The following PFKFB4 variants were observed in gnomAD, a reference collection of about 807,000 sequenced individuals.
PFKFB4 encodes the protein 6-phosphofructo-2-kinase/fructose-2,6-bisphosphatase 4.
PFKFB4 carries 42 observed loss-of-function variants against 62.8 expected under a neutral mutation model. The ratio of observed to expected loss-of-function variants is 0.67; its 90% CI spans 0.52 to 0.86. The LOEUF (loss-of-function observed/expected upper bound fraction) is 0.86. PFKFB4 is among the 40% of genes least tolerant of loss of function. The pLI is 0.00. For synonymous variants in PFKFB4, 204 were observed against 240.7 expected, an observed-to-expected ratio of 0.85 and a Z score of 1.41; for missense variants, 475 against 627.2, an observed-to-expected ratio of 0.76 and a Z score of 2.59.
intron 3 of PFKFB4, among the ~76,000 whole-genome samples, chr3:48,545,877 A>T (rs1002024486): frequency 2.0e-5 from 3 of 152,180 alleles, no homozygotes; most frequent in Non-Finnish European, 4.4e-5. Flanking sequence ...TGGCATTGGT[A>T]GGGACATTTC....
intron 3 of PFKFB4, among the ~76,000 whole-genome samples, chr3:48,544,559 G>T (rs1452115881): frequency 6.8e-6 from 1 of 146,940 alleles, no homozygotes; most frequent in East Asian, 2.0e-4. Context: ...CAATCTTCCT[G>T]CCTCAGCCTC....
At chr3:48,538,727 C>A in intron 6 of PFKFB4, 108 bp from the exon 7 acceptor site, 2 of 1,431,646 alleles carry the variant, frequency 1.4e-6, no homozygotes, top group South Asian at 2.5e-5. Context: ...GCACCGGAGA[C>A]CAGTGCGGGA....
intron 12 of PFKFB4, among the ~76,000 whole-genome samples, chr3:48,522,676 T>C (rs2042132774): frequency 6.6e-6 from 1 of 151,828 alleles, no homozygotes; most frequent in East Asian, 1.9e-4. Context: ...GAAAAATCAG[T>C]AGAAAAGCCC....
chr3:48,519,945 A>G (rs1188416409), intron 13 of PFKFB4, 139 bp from the exon 14 acceptor site: 9 of 647,834 alleles, frequency 1.4e-5, no homozygotes, highest in Middle Eastern at 6.3e-4. Context: ...CTAGACCACA[A>G]GCTTCCCTAA....
chr3:48,544,189 T>A (rs1358910307), intron 3 of PFKFB4, among the ~76,000 whole-genome samples: 1 of 152,044 alleles, frequency 6.6e-6, no homozygotes, highest in Non-Finnish European at 1.5e-5. Flanking sequence ...TTTTTATATT[T>A]CAAAATAAGC....
chr3:48,536,752 T>A (rs926911026), intron 7 of PFKFB4: 3 of 420,172 alleles, frequency 7.1e-6, no homozygotes. Context: ...TACCACATCA[T>A]GACTTTCTCC....
chr3:48,529,046 TA>T (rs1351658146), intron 9 of PFKFB4, among the ~76,000 whole-genome samples: 1 of 152,060 alleles, frequency 6.6e-6, no homozygotes. Context: ...TTTATTTATT[TA>T]TTTTTTTAGA....
chr3:48,536,131 C>A (rs1277173000), intron 8 of PFKFB4, 125 bp downstream of exon 8: 1 of 772,568 alleles, frequency 1.3e-6, no homozygotes. Context: ...GAATGAAGGT[C>A]ATTCACCTCG....
rs1436300146 is a variant in PFKFB4, at chr3:48,535,551, C to G, written c.948G>C (p.Val316=). The G allele has an allele frequency of 1.2e-6, 2 of 1,614,146 alleles. No homozygotes were observed. The highest frequency in any genetic ancestry group is 3.3e-5 in the Admixed American group (2 of 60,016). The change falls in exon 9 of 14, where the codon GTG becomes GTC. Residue 316 remains valine (V), a synonymous_variant. Transcript: ENST00000232375. ...RTIQTAEALG[V]PYEQWKVLNE... The stretch of plus-strand genomic sequence containing the variant: ...TGAGGACCTTCCACTGTTCATAGGG[C>G]ACACCCAGTGCCTCAGCCGTCTGGA...
chr3:48,556,424 G>C lies in PFKFB4; in HGVS notation c.97+257C>G, dbSNP rs2043322764. ...CAGAGCCCTCCCCGAGGTGATGGTG[G>C]CCAGACCTAGCCACCGCCAAGCCGA... On this transcript the variant is annotated intron_variant, in intron 1 of 13. Coordinates refer to ENST00000232375, the MANE Select transcript of PFKFB4 (RefSeq NM_004567.4). The surrounding 1 kb of genome is among the most constrained non-coding windows in gnomAD (Gnocchi z 5.7). 6.6e-6 allele frequency among the ~76,000 whole-genome samples: 1 copy of C among 152,102 alleles called. No homozygotes were observed. The highest frequency in any genetic ancestry group is 6.5e-5 in the Admixed American group (1 of 15,272).
chr3:48,562,977 C>T, upstream of PFKFB4: 1 of 1,607,590 alleles, frequency 6.2e-7, no homozygotes, highest in Non-Finnish European at 8.5e-7. The surrounding 1 kb of genome is among the most constrained non-coding windows in gnomAD (Gnocchi z 4.3). Flanking sequence ...GTGGGAGCAG[C>T]TGAGGGGCTC....
At chr3:48,535,077 G>A (rs1372085637) in intron 9 of PFKFB4, among the ~76,000 whole-genome samples, 2 of 152,170 alleles carry the variant, frequency 1.3e-5, no homozygotes, top group East Asian at 3.8e-4. Flanking sequence ...CCAAAGTGCT[G>A]GGATTACAAG....
At chr3:48,546,648 C>G (rs937759318) in intron 3 of PFKFB4, among the ~76,000 whole-genome samples, 1 of 152,232 alleles carries the variant, frequency 6.6e-6, no homozygotes, top group Non-Finnish European at 1.5e-5. Context: ...GGTTGGGGAA[C>G]TTGATGGTAA....
chr3:48,524,600 T>C (rs745802369), intron 10 of PFKFB4, among the ~76,000 whole-genome samples: 3 of 152,342 alleles, frequency 2.0e-5, no homozygotes, highest in Non-Finnish European at 4.4e-5. Flanking sequence ...CCAGCTGCTT[T>C]GTTTCTCCTG....
chr3:48,551,076 C>T (rs1213407424), intron 1 of PFKFB4, among the ~76,000 whole-genome samples: 1 of 152,190 alleles, frequency 6.6e-6, no homozygotes, highest in East Asian at 1.9e-4. Flanking sequence ...TGCCACAGGT[C>T]AGTGTGCCAG....
intron 7 of PFKFB4, 69 bp from the exon 8 acceptor site, chr3:48,536,532 G>A (rs2042623671): frequency 6.3e-6 from 8 of 1,273,286 alleles, no homozygotes; most frequent in Non-Finnish European, 9.0e-6. Flanking sequence ...CATCTGGCTA[G>A]CCACGGAATC....
Position 48,521,077 on chromosome 3 carries a change from G to A in PFKFB4, c.1350+909C>T, listed in dbSNP as rs2042082282. ...GCAGGGTAACTGGTCCTGCTTGGGGGCAGTGGTGTTGGGAAGGGACAGGAC... is the reference window on the plus strand; with the variant it reads ...GCAGGGTAACTGGTCCTGCTTGGGGACAGTGGTGTTGGGAAGGGACAGGAC... On this transcript the variant is annotated intron_variant, in intron 13 of 13. Coordinates refer to ENST00000232375, the MANE Select transcript of PFKFB4 (RefSeq NM_004567.4). This position sits in a 1 kb window ranked among gnomAD's most constrained non-coding sequence, Gnocchi z 5.3. Among the ~76,000 whole-genome samples, 2 of 152,192 alleles carry A rather than the reference G, an allele frequency of 1.3e-5. No individual in the cohort carries two copies. Among genetic ancestry groups the A allele is most frequent in the African/African-American group, 4.8e-5 (2 of 41,454 alleles).
intron 8 of PFKFB4, 96 bp downstream of exon 8, chr3:48,536,160 G>A: frequency 5.0e-6 from 5 of 1,007,226 alleles, no homozygotes; most frequent in Non-Finnish European, 7.5e-6. Context: ...TTAAAAGAAT[G>A]GGAGCCTAGC....
At chr3:48,556,875 C>T (rs2043342395), upstream of PFKFB4, 2 of 1,464,640 alleles carry the variant, frequency 1.4e-6, no homozygotes, top group Non-Finnish European at 1.8e-6. This position sits in a 1 kb window ranked among gnomAD's most constrained non-coding sequence, Gnocchi z 5.7. Flanking sequence ...CGCCCCTCCT[C>T]AAGCCGCGAC....
Sources: allele counts gnomAD v4.1 joint callset (sites outside exome capture counted in the v4.1 genomes callset), GRCh38; gene constraint gnomAD v4.1.1; non-coding constraint Gnocchi (gnomAD v3.1); transcripts MANE v1.5; gene names NCBI Gene and HGNC (gene_info 2026-07-23, HGNC 2026-07-21).